Variants in ARHGAP20 observed in about 807,000 individuals in gnomAD.
The protein encoded by ARHGAP20 is Rho GTPase activating protein 20, also known as rho GTPase-activating protein 20.
ARHGAP20 carries 34 observed loss-of-function variants against 73.7 expected under a neutral mutation model. The observed-to-expected ratio is 0.46, with a 90% CI of 0.35 to 0.61. The LOEUF is 0.61. Ranked by LOEUF, ARHGAP20 falls within the 20% of genes least tolerant of loss-of-function variation. The pLI is 0.00. For synonymous variants in ARHGAP20, 523 were observed against 518.2 expected, an observed-to-expected ratio of 1.01 and a Z score of -0.13; for missense variants, 1,314 against 1,420.9, an observed-to-expected ratio of 0.92 and a Z score of 1.21.
At chr11:110,685,764 A>C (rs1376278223) in intron 2 of ARHGAP20, among the ~76,000 whole-genome samples, 1 of 152,312 alleles carries the variant, frequency 6.6e-6, no homozygotes, top group South Asian at 2.1e-4. Flanking sequence ...TAAAAGTAGT[A>C]AGGTTCTACA....
At chr11:110,611,435 A>C in intron 6 of ARHGAP20, 49 bp from the exon 7 acceptor site, 5 of 977,770 alleles carry the variant, frequency 5.1e-6, no homozygotes, top group Non-Finnish European at 6.0e-6. Flanking sequence ...GAATTTTAAA[A>C]CAGGTTAACA....
intron 1 of ARHGAP20, among the ~76,000 whole-genome samples, chr11:110,698,865 A>C (rs2135135810): frequency 6.6e-6 from 1 of 151,688 alleles, no homozygotes; most frequent in Middle Eastern, 3.4e-3. Context: ...CAAATAACCA[A>C]CTTTTTGTTT....
chr11:110,624,166 A>C lies in ARHGAP20; in HGVS notation c.499T>G (p.Phe167Val). The change falls in exon 4 of 15, where the codon TTC becomes GTC. Residue 167 changes from phenylalanine to valine, a missense_variant. Coordinates refer to ENST00000683387, the MANE Select transcript of ARHGAP20 (RefSeq NM_001384657.1). ...AGGACAAGCTGTGGTTCTTACCTGA[A>C]AGTGGCCACAAAGTTCACTGTGGGC... is the stretch of plus-strand genomic sequence containing the variant. ...GWPTVNFVATFSSPEQKDKWL... is the reference protein window; with the variant it reads ...GWPTVNFVATVSSPEQKDKWL... 6.2e-7 allele frequency: 1 copy of C among 1,610,268 alleles called. No homozygotes were observed. Among genetic ancestry groups the C allele is most frequent in the South Asian group, 1.1e-5 (1 of 89,610 alleles).
At chr11:110,602,295 GC>G (rs1230753239) in intron 9 of ARHGAP20, among the ~76,000 whole-genome samples, 2 of 151,954 alleles carry the variant, frequency 1.3e-5, no homozygotes, top group African/African-American at 4.8e-5. Flanking sequence ...AATTTTTAAG[GC>G]AAAGTGAAAT....
At chr11:110,618,449 G>T (rs7117755) in intron 4 of ARHGAP20, among the ~76,000 whole-genome samples, 51,110 of 152,084 alleles carry the variant, frequency 0.34, 9,201 homozygotes, top group African/African-American at 0.46. Flanking sequence ...CAGATTCAAG[G>T]ACTTCCTGTG....
intron 3 of ARHGAP20, among the ~76,000 whole-genome samples, chr11:110,628,308 T>C (rs1174046215): frequency 6.6e-6 from 1 of 152,162 alleles, no homozygotes; most frequent in Non-Finnish European, 1.5e-5. Flanking sequence ...AGGGTAACAC[T>C]CAATCCTTCA....
chr11:110,647,415 C>G (rs1949220288), intron 2 of ARHGAP20, among the ~76,000 whole-genome samples: 1 of 151,752 alleles, frequency 6.6e-6, no homozygotes, highest in African/African-American at 2.4e-5. Context: ...ACTAAGAAAC[C>G]AAGGGAAGAT....
Position 110,592,125 on chromosome 11 carries a change from C to A in ARHGAP20, c.995G>T (p.Arg332Ile), listed in dbSNP as rs762760531. ...CCAGAAGGCCCAGTTTATGATAGAT[C>A]TTCTCCTTTTAAATGTCTTATGACC... ...DSGHKTFKRR[R>I]SIINWAFWRG... is the part of the protein sequence containing the mutation. Residue 332 changes from arginine to isoleucine, a missense_variant, in exon 10 of 15, where the codon AGA becomes ATA. By Grantham distance (97) the Arg-to-Ile change is moderately conservative (BLOSUM62 -3). Transcript: ENST00000683387. 6.2e-7 allele frequency: 1 copy of A among 1,614,056 alleles called. No homozygotes were observed. The highest frequency in any genetic ancestry group is 1.7e-5 in the Admixed American group (1 of 60,022).
rs536416962 is a variant in ARHGAP20 at position 110,634,386 on chromosome 11, T to C, written c.189-3594A>G. Among the ~76,000 whole-genome samples, 10 of 152,182 alleles carry C rather than the reference T, an allele frequency of 6.6e-5. No individual in the cohort carries two copies. The South Asian group carries it at 1.9e-3, about 28-fold the overall frequency. On this transcript the variant is annotated intron_variant, in intron 2 of 14. Coordinates refer to ENST00000683387, the MANE Select transcript of ARHGAP20 (RefSeq NM_001384657.1). ...AGAAACAATCAGCCCTGAAGGTAGG[T>C]ATTACTATCCCTCATTTTACAGATT...
At chr11:110,603,130 T>C (rs1162747210) in intron 9 of ARHGAP20, among the ~76,000 whole-genome samples, 1 of 152,226 alleles carries the variant, frequency 6.6e-6, no homozygotes, top group African/African-American at 2.4e-5. Flanking sequence ...CTGTCAACAG[T>C]GAACTTCATT....
intron 2 of ARHGAP20, among the ~76,000 whole-genome samples, chr11:110,645,740 T>C (rs768374714): frequency 7.9e-5 from 12 of 152,238 alleles, no homozygotes; most frequent in African/African-American, 1.4e-4. Flanking sequence ...CAATGGTGGA[T>C]TGGATAAAGA....
At chr11:110,678,127 G>A (rs1375309080) in intron 2 of ARHGAP20, among the ~76,000 whole-genome samples, 2 of 152,106 alleles carry the variant, frequency 1.3e-5, no homozygotes, top group Admixed American at 1.3e-4. Flanking sequence ...AACAGCACAC[G>A]ATTTCAGTTA....
At chr11:110,660,856 A>G (rs1243871113) in intron 2 of ARHGAP20, among the ~76,000 whole-genome samples, 1 of 152,180 alleles carries the variant, frequency 6.6e-6, no homozygotes, top group Non-Finnish European at 1.5e-5. Flanking sequence ...AATAAGGACA[A>G]TGAAAAACTT....
intron 2 of ARHGAP20, among the ~76,000 whole-genome samples, chr11:110,640,472 G>T (rs1949055470): frequency 6.6e-6 from 1 of 151,968 alleles, no homozygotes; most frequent in South Asian, 2.1e-4. Context: ...CTACTGAAAT[G>T]AAGCTACAAA....
chr11:110,591,739 C>T (rs1947833583), intron 10 of ARHGAP20, among the ~76,000 whole-genome samples: 1 of 152,194 alleles, frequency 6.6e-6, no homozygotes, highest in Non-Finnish European at 1.5e-5. Context: ...AGGGCAAATT[C>T]TGCTTTATCT....
intron 2 of ARHGAP20, among the ~76,000 whole-genome samples, chr11:110,632,365 T>G (rs1435243476): frequency 6.6e-6 from 1 of 152,174 alleles, no homozygotes; most frequent in Non-Finnish European, 1.5e-5. Flanking sequence ...TCTTTTGAAT[T>G]TTGGCCAGTT....
rs1277140172 is a variant in ARHGAP20, at chr11:110,693,172, T to C, written c.106-2543A>G. On this transcript the variant is annotated intron_variant, in intron 1 of 14. Transcript: ENST00000683387. ...ATGTATTTTCTGAGTTTTAAAATTG[T>C]CAGATGTATAATGGGTCAAATGCTG... Among the ~76,000 whole-genome samples, 5 of 152,146 alleles carry C rather than the reference T, an allele frequency of 3.3e-5. 1 individual carries two copies. The East Asian group carries it at 9.6e-4, about 29-fold the overall frequency.
At chr11:110,631,393 A>G (rs1455903554) in intron 2 of ARHGAP20, among the ~76,000 whole-genome samples, 1 of 152,192 alleles carries the variant, frequency 6.6e-6, no homozygotes, top group African/African-American at 2.4e-5. Context: ...TTGGCTCCTG[A>G]GTTGTTTATT....
At position 110,601,422 on chromosome 11, in the gene ARHGAP20, G is replaced by C. The variant is rs559322740; in HGVS notation, c.964+5139C>G. 5.3e-5 allele frequency among the ~76,000 whole-genome samples: 8 copies of C among 152,316 alleles called. No individual in the cohort carries two copies. The South Asian group carries it at 1.7e-3, about 32-fold the overall frequency. On this transcript the variant is annotated intron_variant, in intron 9 of 14. Coordinates refer to ENST00000683387, the MANE Select transcript of ARHGAP20 (RefSeq NM_001384657.1). ...CATGACAAAGATGTAACAGGCAAAG[G>C]AATGAAGACAAGTCAAATAAGATGG...
Sources: allele counts gnomAD v4.1 joint callset (sites outside exome capture counted in the v4.1 genomes callset), GRCh38; gene constraint gnomAD v4.1.1; transcripts MANE v1.5; gene names NCBI Gene and HGNC (gene_info 2026-07-23, HGNC 2026-07-21).